Variants in SLC24A3 observed in about 807,000 individuals in gnomAD.
The protein encoded by SLC24A3 is solute carrier family 24 member 3, also known as sodium/potassium/calcium exchanger 3.
In SLC24A3, 28 loss-of-function variants were observed where a neutral mutation model predicts 75.8. The observed-to-expected ratio is 0.37, with a 90% confidence interval of 0.27 to 0.51. The LOEUF (loss-of-function observed/expected upper bound fraction) is 0.51, where lower values mean the gene tolerates loss of function less well. SLC24A3 is among the 20% of genes least tolerant of loss of function. The probability of loss-of-function intolerance (pLI) is 0.94; values close to 1 mark genes in which losing one functional copy is unlikely to be tolerated. For synonymous variants in SLC24A3, 372 were observed against 334.1 expected (o/e 1.11, Z -1.24); for missense variants, 663 against 847.8 (o/e 0.78, Z 2.71).
intron 2 of SLC24A3, among the ~76,000 whole-genome samples, chr20:19,373,518 C>T (rs1376546629): frequency 1.3e-5 from 2 of 152,176 alleles, no homozygotes. Context: ...ATGTTTTTGT[C>T]TGGGATGATT....
At chr20:19,325,055 A>C (rs757224303) in intron 2 of SLC24A3, among the ~76,000 whole-genome samples, 1 of 148,320 alleles carries the variant, frequency 6.7e-6, no homozygotes, top group Non-Finnish European at 1.5e-5. Flanking sequence ...TCTCATTCTT[A>C]CTCATGTTTG....
chr20:19,648,297 A>G (rs2122704564), intron 6 of SLC24A3, among the ~76,000 whole-genome samples: 1 of 152,342 alleles, frequency 6.6e-6, no homozygotes, highest in South Asian at 2.1e-4. Flanking sequence ...AATTGGCTGT[A>G]GAAATTGTGT....
At chr20:19,308,397 G>C (rs1393523885) in intron 2 of SLC24A3, among the ~76,000 whole-genome samples, 2 of 152,218 alleles carry the variant, frequency 1.3e-5, no homozygotes, top group Non-Finnish European at 2.9e-5. Context: ...GAAGACTGAA[G>C]TGACTTTCAT....
rs1050319187 is a variant in SLC24A3 at position 19,563,704 on chromosome 20, A to G, written c.349-16296A>G. ...CCACTGTTTGATGTTATCTGGTAGC[A>G]GCAATGTCCATCAGCTCCTGAGTCT... On this transcript the variant is annotated intron_variant, in intron 3 of 16. Transcript: ENST00000328041. 3.9e-5 allele frequency among the ~76,000 whole-genome samples: 6 copies of G among 152,342 alleles called. No individual in the cohort carries two copies. The East Asian group carries it at 1.2e-3, about 29-fold the overall frequency.
intron 2 of SLC24A3, among the ~76,000 whole-genome samples, chr20:19,302,879 G>A (rs1984227241): frequency 6.6e-6 from 1 of 152,040 alleles, no homozygotes. Context: ...CCTGTTGTGG[G>A]TAGTTAATAT....
At chr20:19,486,419 T>C (rs1163032520) in intron 2 of SLC24A3, among the ~76,000 whole-genome samples, 1 of 152,206 alleles carries the variant, frequency 6.6e-6, no homozygotes, top group African/African-American at 2.4e-5. Flanking sequence ...ACACCAAAAG[T>C]GGTGAATTTT....
intron 2 of SLC24A3, among the ~76,000 whole-genome samples, chr20:19,304,999 C>T (rs1407466246): frequency 1.3e-5 from 2 of 152,068 alleles, no homozygotes; most frequent in African/African-American, 2.4e-5. Flanking sequence ...TTCCTGTTGG[C>T]TGCTTGGACT....
intron 3 of SLC24A3, among the ~76,000 whole-genome samples, chr20:19,559,504 C>A (rs2030840159): frequency 6.6e-6 from 1 of 152,046 alleles, no homozygotes; most frequent in African/African-American, 2.4e-5. Flanking sequence ...TTTTATCAAT[C>A]TTTTTTCTTT....
At chr20:19,470,761 C>T (rs1252062850) in intron 2 of SLC24A3, among the ~76,000 whole-genome samples, 1 of 152,178 alleles carries the variant, frequency 6.6e-6, no homozygotes, top group Non-Finnish European at 1.5e-5. Context: ...CACACGTATG[C>T]ATGTTAGTTC....
chr20:19,607,944 G>A (rs757585953), intron 6 of SLC24A3, among the ~76,000 whole-genome samples: 5 of 152,314 alleles, frequency 3.3e-5, no homozygotes, highest in South Asian at 2.1e-4. Context: ...TGAACTGCTC[G>A]TTGTGTCTTA....
chr20:19,699,423 C>G (rs2032846543), intron 15 of SLC24A3, among the ~76,000 whole-genome samples: 1 of 152,182 alleles, frequency 6.6e-6, no homozygotes, highest in Non-Finnish European at 1.5e-5. Flanking sequence ...TCACATCAGC[C>G]AAATTCACAA....
intron 3 of SLC24A3, among the ~76,000 whole-genome samples, chr20:19,563,502 T>G (rs1418158656): frequency 6.6e-6 from 1 of 152,206 alleles, no homozygotes; most frequent in Non-Finnish European, 1.5e-5. Context: ...TATACACACT[T>G]TTTTATTAAT....
At chr20:19,250,618 A>G (rs1982624920) in intron 1 of SLC24A3, among the ~76,000 whole-genome samples, 2 of 152,202 alleles carry the variant, frequency 1.3e-5, no homozygotes, top group Admixed American at 1.3e-4. Context: ...AGGTGTGGCT[A>G]GAGAGAGAGG....
chr20:19,508,613 G>T (rs965076936), intron 2 of SLC24A3, among the ~76,000 whole-genome samples: 3 of 152,194 alleles, frequency 2.0e-5, no homozygotes, highest in African/African-American at 7.2e-5. Flanking sequence ...GAAGCTGATT[G>T]CTGTTGCCTT....
intron 3 of SLC24A3, among the ~76,000 whole-genome samples, chr20:19,540,106 G>A (rs1394337471): frequency 6.6e-6 from 1 of 152,176 alleles, no homozygotes; most frequent in African/African-American, 2.4e-5. Context: ...AGGGCAGAAA[G>A]TCAGAGAGAA....
chr20:19,584,327 A>C (rs2031263068), intron 4 of SLC24A3, among the ~76,000 whole-genome samples: 1 of 152,136 alleles, frequency 6.6e-6, no homozygotes, highest in African/African-American at 2.4e-5. Context: ...GAATGCCTCA[A>C]GGAAGGGGAG....
intron 2 of SLC24A3, among the ~76,000 whole-genome samples, chr20:19,287,207 C>T (rs1006693994): frequency 1.3e-5 from 2 of 152,240 alleles, no homozygotes; most frequent in Non-Finnish European, 2.9e-5. Context: ...GACTCCAGAA[C>T]CTTCTATCTT....
chr20:19,695,240 G>T (rs992159749), intron 13 of SLC24A3, among the ~76,000 whole-genome samples: 1 of 152,172 alleles, frequency 6.6e-6, no homozygotes, highest in Non-Finnish European at 1.5e-5. Flanking sequence ...CCGGGTGTAG[G>T]TGTCTCTCAA....
chr20:19,367,836 T>C (rs1244081569), intron 2 of SLC24A3, among the ~76,000 whole-genome samples: 1 of 152,186 alleles, frequency 6.6e-6, no homozygotes, highest in Non-Finnish European at 1.5e-5. Context: ...CGTGTTTGTC[T>C]GAGAAAGCTA....
Sources: allele counts gnomAD v4.1 joint callset (sites outside exome capture counted in the v4.1 genomes callset), GRCh38; gene constraint gnomAD v4.1.1; transcripts MANE v1.5; gene names NCBI Gene and HGNC (gene_info 2026-07-23, HGNC 2026-07-21).